The following CNTN5 variants were observed in gnomAD, a reference collection of about 807,000 sequenced individuals.
CNTN5 encodes the protein contactin 5, also known as contactin-5.
A neutral mutation model predicts 129.1 loss-of-function variants in CNTN5; 77 were observed. The ratio of observed to expected loss-of-function variants is 0.60; its 90% CI spans 0.50 to 0.72. The LOEUF is 0.72. CNTN5 is among the 30% of genes least tolerant of loss of function. The pLI, the probability that CNTN5 is intolerant of heterozygous loss-of-function variation, is 0.00. For synonymous variants in CNTN5, 509 were observed against 465.6 expected (o/e 1.09, Z -1.20); for missense variants, 1,478 against 1,328.8 (o/e 1.11, Z -1.75).
intron 21 of CNTN5, among the ~76,000 whole-genome samples, chr11:100,330,209 C>A (rs552641488): frequency 6.6e-6 from 1 of 152,184 alleles, no homozygotes; most frequent in South Asian, 2.1e-4. Context: ...GCAATAGAAT[C>A]AAAAAGCAGA....
rs181496041 is a variant in CNTN5 at position 99,999,396 on chromosome 11, A to G, written c.878-2638A>G. 6.4e-3 allele frequency among the ~76,000 whole-genome samples: 977 copies of G among 152,354 alleles called. 15 individuals are homozygous for G. Among genetic ancestry groups the G allele is most frequent in the African/African-American group, 0.022 (904 of 41,574 alleles). On this transcript the variant is annotated intron_variant, in intron 8 of 24. Coordinates refer to ENST00000524871, the MANE Select transcript of CNTN5 (RefSeq NM_014361.4). ...GAAGACATTTATGCAGCCAAAGGAC[A>G]CATGCAAAAATGCTCATCATCACTG...
At chr11:99,705,940 G>C (rs1261789271) in intron 3 of CNTN5, among the ~76,000 whole-genome samples, 3 of 151,282 alleles carry the variant, frequency 2.0e-5, no homozygotes, top group Admixed American at 1.3e-4. Context: ...CAGAGTGTTG[G>C]GATAGCTCAG....
At chr11:99,248,085 A>G (rs1204500386) in intron 1 of CNTN5, among the ~76,000 whole-genome samples, 1 of 152,176 alleles carries the variant, frequency 6.6e-6, no homozygotes, top group Admixed American at 6.5e-5. Context: ...CCAACAGTGT[A>G]AAAGTGTTCC....
chr11:100,078,595 A>G (rs17094319), intron 13 of CNTN5, among the ~76,000 whole-genome samples: 2,125 of 152,274 alleles, frequency 0.014, 67 homozygotes, highest in African/African-American at 0.049. Flanking sequence ...AGTGTATGAA[A>G]AGAGGACTTA....
intron 2 of CNTN5, among the ~76,000 whole-genome samples, chr11:99,333,841 A>C (rs2136033783): frequency 6.6e-6 from 1 of 152,140 alleles, no homozygotes; most frequent in Non-Finnish European, 1.5e-5. Flanking sequence ...CAACAGAGTT[A>C]ATGATAACGG....
In CNTN5 at chr11:99,573,378, G is replaced by C. The variant is rs1591298526; in HGVS notation, c.55+17109G>C. ...GAGGTCAGCAGATCGAGACCATCCT[G>C]GCTAACACAGTGAAACCCCGTCTCT... On this transcript the variant is annotated intron_variant, in intron 3 of 24. Coordinates refer to ENST00000524871, the MANE Select transcript of CNTN5 (RefSeq NM_014361.4). Among the ~76,000 whole-genome samples, 4 of 151,990 alleles carry C rather than the reference G, an allele frequency of 2.6e-5. No homozygotes were observed. The South Asian group carries it at 8.3e-4, about 31-fold the overall frequency.
chr11:100,347,434 G>T (rs1952308332), intron 23 of CNTN5, among the ~76,000 whole-genome samples: 1 of 152,002 alleles, frequency 6.6e-6, no homozygotes, highest in Non-Finnish European at 1.5e-5. Flanking sequence ...CTGGAAGATA[G>T]GTACATGAGG....
chr11:99,116,971 T>C (rs1251950630), intron 1 of CNTN5, among the ~76,000 whole-genome samples: 1 of 152,136 alleles, frequency 6.6e-6, no homozygotes. Context: ...CTTACATTCA[T>C]AGAAATGTGA....
At chr11:100,226,281 T>C (rs1048126187) in intron 16 of CNTN5, among the ~76,000 whole-genome samples, 3 of 152,170 alleles carry the variant, frequency 2.0e-5, no homozygotes, top group African/African-American at 4.8e-5. Flanking sequence ...TATGTATATT[T>C]ATTGTCTGCA....
At chr11:99,925,688 G>A (rs1027727051) in intron 7 of CNTN5, among the ~76,000 whole-genome samples, 1 of 151,870 alleles carries the variant, frequency 6.6e-6, no homozygotes, top group Non-Finnish European at 1.5e-5. Context: ...AAGAAAGAAA[G>A]AAACAAAAGA....
chr11:100,317,284 G>T (rs566268422), intron 21 of CNTN5, among the ~76,000 whole-genome samples: 1 of 152,104 alleles, frequency 6.6e-6, no homozygotes, highest in South Asian at 2.1e-4. Context: ...CTTTGTATGG[G>T]GGGGAGGAAA....
intron 13 of CNTN5, among the ~76,000 whole-genome samples, chr11:100,155,271 A>T (rs1014634975): frequency 3.3e-5 from 5 of 152,124 alleles, no homozygotes; most frequent in Non-Finnish European, 7.4e-5. Context: ...TATTTATTAC[A>T]TATTGATTCC....
chr11:99,435,883 G>A lies in CNTN5; in HGVS notation c.-71+110399G>A, dbSNP rs1380904365. On this transcript the variant is annotated intron_variant, in intron 2 of 24. Coordinates refer to ENST00000524871, the MANE Select transcript of CNTN5 (RefSeq NM_014361.4). The stretch of plus-strand genomic sequence containing the variant: ...TATATATGAGGAAGTATATGGGGAA[G>A]ATGGTAACAAATTGTAGTTCTGGTC... Among the ~76,000 whole-genome samples the A allele has an allele frequency of 2.6e-5, 4 of 152,188 alleles. No homozygotes were observed. The East Asian group carries it at 7.7e-4, about 29-fold the overall frequency.
chr11:100,314,401 T>C (rs769672869), intron 21 of CNTN5, among the ~76,000 whole-genome samples: 1 of 152,150 alleles, frequency 6.6e-6, no homozygotes, highest in Non-Finnish European at 1.5e-5. Flanking sequence ...CCAGGTATTA[T>C]AGAGCAGGTA....
At chr11:99,684,169 A>G (rs754339683) in intron 3 of CNTN5, among the ~76,000 whole-genome samples, 5 of 151,736 alleles carry the variant, frequency 3.3e-5, no homozygotes, top group Admixed American at 2.0e-4. Flanking sequence ...TCTGCATGTA[A>G]ATGAGATCAT....
intron 7 of CNTN5, among the ~76,000 whole-genome samples, chr11:99,956,267 A>T (rs961931108): frequency 6.6e-6 from 1 of 152,166 alleles, no homozygotes; most frequent in African/African-American, 2.4e-5. Flanking sequence ...TGAAAGTCCC[A>T]ATGAACTTAA....
chr11:99,353,134 A>C (rs574454449), intron 2 of CNTN5, among the ~76,000 whole-genome samples: 11 of 152,306 alleles, frequency 7.2e-5, no homozygotes, highest in Non-Finnish European at 1.5e-4. Flanking sequence ...GAAAGACACT[A>C]TACAAGGCCC....
At chr11:99,309,368 A>G (rs929880174) in intron 1 of CNTN5, among the ~76,000 whole-genome samples, 1 of 152,196 alleles carries the variant, frequency 6.6e-6, no homozygotes, top group Non-Finnish European at 1.5e-5. Context: ...AGCTTTGTTA[A>G]GATAGTCCTG....
chr11:99,423,541 G>A lies in CNTN5; in HGVS notation c.-71+98057G>A, dbSNP rs1942988705. 2.0e-5 allele frequency among the ~76,000 whole-genome samples: 3 copies of A among 152,148 alleles called. No individual in the cohort carries two copies. In the South Asian group the frequency reaches 6.2e-4, roughly 32 times the overall value. ...TAAGGTAAACTTACTAACAAAATGG[G>A]AACGGAGGAAAATCTATTTCCTATT... is the stretch of plus-strand genomic sequence containing the variant. On this transcript the variant is annotated intron_variant, in intron 2 of 24. Coordinates refer to ENST00000524871, the MANE Select transcript of CNTN5 (RefSeq NM_014361.4).
Sources: allele counts gnomAD v4.1 joint callset (sites outside exome capture counted in the v4.1 genomes callset), GRCh38; gene constraint gnomAD v4.1.1; transcripts MANE v1.5; gene names NCBI Gene and HGNC (gene_info 2026-07-23, HGNC 2026-07-21).